The following TLR3 variants were observed in gnomAD, a reference collection of about 807,000 sequenced individuals.
TLR3 encodes toll like receptor 3, also known as toll-like receptor 3.
TLR3 carries 43 observed loss-of-function variants against 66.4 expected under a neutral mutation model. That is an observed-to-expected ratio of 0.65 (90% CI 0.51 to 0.83). The LOEUF is 0.83. Ranked by LOEUF, TLR3 falls within the 40% of genes least tolerant of loss-of-function variation. The pLI is 0.00. For missense variants in TLR3, 982 were observed against 1,044.6 expected (o/e 0.94, Z 0.83); for synonymous variants, 397 against 397.2 (o/e 1.00, Z 0.01).
intron 4 of TLR3, 99 bp downstream of exon 4, chr4:186,084,271 A>G: frequency 8.0e-7 from 1 of 1,246,926 alleles, no homozygotes; most frequent in Non-Finnish European, 1.1e-6. Flanking sequence ...CCCAGGCTGG[A>G]GTGCAGTGGT....
Position 186,083,912 on chromosome 4 carries a change from T to C in TLR3, c.2226T>C (p.Leu742=). 6.2e-7 allele frequency: 1 copy of C among 1,614,228 alleles called. No homozygotes were observed. The highest frequency in any genetic ancestry group is 1.7e-5 in the Admixed American group (1 of 60,026). Residue 742 remains leucine, a synonymous_variant, in exon 4 of 5, where the codon CTT becomes CTC. Coordinates refer to ENST00000296795, the MANE Select transcript of TLR3 (RefSeq NM_003265.3). The surrounding 1 kb of genome is among the most constrained non-coding windows in gnomAD (Gnocchi z 4.0). ...GGAATGTTTCAGTACATCGAGTTCT[T>C]GGTTTCAAAGAAATAGACAGACAGA... The part of the protein sequence containing the change: ...FYWNVSVHRV[L]GFKEIDRQTE...
intron 2 of TLR3, among the ~76,000 whole-genome samples, chr4:186,078,583 A>G (rs1445210549): frequency 6.6e-6 from 1 of 152,180 alleles, no homozygotes; most frequent in African/African-American, 2.4e-5. Context: ...TTATTTTGGT[A>G]AGAGAAATAA....
intron 2 of TLR3, among the ~76,000 whole-genome samples, chr4:186,078,198 G>A (rs2150066635): frequency 6.6e-6 from 1 of 152,178 alleles, no homozygotes; most frequent in Non-Finnish European, 1.5e-5. Context: ...GCCTTAACTG[G>A]TATCGCTTTC....
At chr4:186,075,654 T>C (rs1406720934) in intron 1 of TLR3, among the ~76,000 whole-genome samples, 2 of 151,826 alleles carry the variant, frequency 1.3e-5, no homozygotes, top group Non-Finnish European at 2.9e-5. Context: ...TAAATACAAA[T>C]AATTTTTAAA....
chr4:186,076,474 T>C lies in TLR3; in HGVS notation c.-7-139T>C, dbSNP rs1270255347. On this transcript the variant is annotated intron_variant, in intron 1 of 4. Coordinates refer to ENST00000296795, the MANE Select transcript of TLR3 (RefSeq NM_003265.3). ...GATGTATGACTTGTATAATATGTAC[T>C]TGTATGGCATAAAACTATGAGTAAT... 5 of 844,554 alleles carry C rather than the reference T, an allele frequency of 5.9e-6. No homozygotes were observed. The African/African-American group carries it at 6.7e-5, about 11-fold the overall frequency. 52.3% of individuals were successfully genotyped at this position (844,554 alleles called of 1,614,324 possible).
intron 3 of TLR3, among the ~76,000 whole-genome samples, chr4:186,079,492 C>T (rs1561370986): frequency 6.6e-6 from 1 of 152,168 alleles, no homozygotes; most frequent in Non-Finnish European, 1.5e-5. Flanking sequence ...TCCCAGCTTT[C>T]AAATGGGCGT....
rs770094473 is a variant in TLR3 at position 186,083,654 on chromosome 4, G to A, written c.1968G>A (p.Trp656Ter). 1 of 1,596,678 alleles carries A rather than the reference G, an allele frequency of 6.3e-7. No individual in the cohort carries two copies. Among genetic ancestry groups the A allele is most frequent in the Admixed American group, 1.7e-5 (1 of 58,008 alleles). ...ATTGCACGTGTGAAAGTATTGCCTG[G>A]TTTGTTAATTGGATTAACGAGACCC... is the stretch of plus-strand genomic sequence containing the variant. The part of the protein sequence containing the change: ...PFDCTCESIA[W>*]FVNWINETHT... Residue 656 changes from tryptophan to a stop codon, truncating the protein, a stop_gained, in exon 4 of 5, where the codon TGG (tryptophan) becomes TGA (stop). Coordinates refer to ENST00000296795, the MANE Select transcript of TLR3 (RefSeq NM_003265.3). LOFTEE classifies it high-confidence loss of function. This position sits in a 1 kb window ranked among gnomAD's most constrained non-coding sequence, Gnocchi z 4.0.
intron 2 of TLR3, among the ~76,000 whole-genome samples, chr4:186,077,598 T>A (rs2099302663): frequency 6.6e-6 from 1 of 152,188 alleles, no homozygotes; most frequent in South Asian, 2.1e-4. Flanking sequence ...TTTTAGTTTT[T>A]TTTCTTTTCT....
At position 186,087,388 on chromosome 4, in the gene TLR3, C is replaced by G. The variant is rs1417716679; in HGVS notation, c.*2515C>G. 6.6e-6 allele frequency: 1 copy of G among 152,198 alleles called. No individual in the cohort carries two copies. 9.4% of individuals were successfully genotyped at this position (152,198 alleles called of 1,614,324 possible). ...CTGCAGGCTGTCCTGTGTAATTGTT[C>G]TCCGGAGGAACCCTTGTCCCTGGGG... On this transcript the variant is annotated 3_prime_UTR_variant, in exon 5 of 5. Coordinates refer to ENST00000296795, the MANE Select transcript of TLR3 (RefSeq NM_003265.3).
At position 186,077,006 on chromosome 4, in the gene TLR3, T is replaced by C. The variant is rs201726068; in HGVS notation, c.387T>C (p.His129=). The part of the protein sequence containing the change: ...FAFCTNLTEL[H]LMSNSIQKIK... ...TCTGCACGAATTTGACTGAACTCCA[T>C]CTCATGTCCAACTCAATCCAGAAAA... The change falls in exon 2 of 5, where the codon CAT becomes CAC. Residue 129 remains histidine, a synonymous_variant. Coordinates refer to ENST00000296795, the MANE Select transcript of TLR3 (RefSeq NM_003265.3). The C allele has an allele frequency of 4.3e-5, 70 of 1,614,000 alleles. No individual in the cohort carries two copies. Among genetic ancestry groups the C allele is most frequent in the Non-Finnish European group, 5.4e-5 (64 of 1,180,046 alleles).
At chr4:186,077,444 T>G (rs2099302633) in intron 2 of TLR3, among the ~76,000 whole-genome samples, 1 of 152,186 alleles carries the variant, frequency 6.6e-6, no homozygotes, top group African/African-American at 2.4e-5. Context: ...ATTAACAAAT[T>G]GATACAATGA....
rs754548817 is a variant in TLR3, at chr4:186,076,914, C to G, written c.295C>G (p.Pro99Ala). ...GGAGCCAGAATTGTGCCAGAAACTT[C>G]CCATGTTAAAAGTTTTGAACCTCCA... ...KLEPELCQKL[P>A]MLKVLNLQHN... Residue 99 changes from proline (P) to alanine (A), a missense_variant, in exon 2 of 5, where the codon CCC (proline) becomes GCC (alanine). By Grantham distance (27) the Pro-to-Ala change is conservative (BLOSUM62 -1). Around this residue, in one of 3 missense-constraint regions of TLR3, gnomAD observed 313 missense variants for 319.0 expected, o/e 0.98. Coordinates refer to ENST00000296795, the MANE Select transcript of TLR3 (RefSeq NM_003265.3). 1.2e-5 allele frequency: 19 copies of G among 1,614,040 alleles called. No homozygotes were observed. In the Admixed American group the frequency reaches 3.2e-4, roughly 27 times the overall value.
chr4:186,076,479 T>A, intron 1 of TLR3, 134 bp from the exon 2 acceptor site: 3 of 863,210 alleles, frequency 3.5e-6, no homozygotes, highest in Non-Finnish European at 5.7e-6. Flanking sequence ...TGTACTTGTA[T>A]GGCATAAAAC....
rs559783546 is a variant in TLR3 at position 186,076,957 on chromosome 4, A to C, written c.338A>C (p.Gln113Pro). 1.7e-5 allele frequency: 27 copies of C among 1,614,022 alleles called. No individual in the cohort carries two copies. In the East Asian group the frequency reaches 5.8e-4, roughly 35 times the overall value. ...AACCTCCAGCACAATGAGCTATCTC[A>C]ACTTTCTGATAAAACCTTTGCCTTC... ...VLNLQHNELS[Q>P]LSDKTFAFCT... is the part of the protein sequence containing the mutation. Residue 113 changes from glutamine to proline, a missense_variant, in exon 2 of 5, where the codon CAA (glutamine) becomes CCA (proline). Gln to Pro is a moderately conservative substitution (Grantham distance 76). Coordinates refer to ENST00000296795, the MANE Select transcript of TLR3 (RefSeq NM_003265.3).
intron 2 of TLR3, among the ~76,000 whole-genome samples, chr4:186,078,259 G>A (rs2099302781): frequency 6.6e-6 from 1 of 152,060 alleles, no homozygotes; most frequent in Admixed American, 6.6e-5. Context: ...ATAGCAAAGG[G>A]TGATAAAAAC....
Position 186,083,514 on chromosome 4 carries a change from G to A in TLR3, c.1828G>A (p.Val610Met). Residue 610 changes from valine (V) to methionine (M), a missense_variant, in exon 4 of 5, where the codon GTG becomes ATG. By Grantham distance (21) the Val-to-Met change is conservative (BLOSUM62 1). Around this residue, in one of 3 missense-constraint regions of TLR3, gnomAD observed 666 missense variants for 709.0 expected, o/e 0.94. Coordinates refer to ENST00000296795, the MANE Select transcript of TLR3 (RefSeq NM_003265.3). The surrounding 1 kb of genome is among the most constrained non-coding windows in gnomAD (Gnocchi z 4.0). ...TCCAGCATCTGTCTTTAATAATCAG[G>A]TGTCTCTAAAGTCATTGAACCTTCA... ...TLPASVFNNQ[V>M]SLKSLNLQKN... is the part of the protein sequence containing the mutation. 1 of 1,608,260 alleles carries A rather than the reference G, an allele frequency of 6.2e-7. No homozygotes were observed. Among genetic ancestry groups the A allele is most frequent in the African/African-American group, 1.3e-5 (1 of 74,716 alleles).
chr4:186,082,437 C>A lies in TLR3; in HGVS notation c.751C>A (p.Arg251=). 1.2e-6 allele frequency: 2 copies of A among 1,614,062 alleles called. No individual in the cohort carries two copies. Among genetic ancestry groups the A allele is most frequent in the Non-Finnish European group, 1.7e-6 (2 of 1,180,012 alleles). ...TTTGGAATTAGCAAACACAAGCATT[C>A]GGAATCTGTCTCTGAGTAACAGCCA... ...LCLELANTSI[R]NLSLSNSQLS... is the part of the protein sequence containing the mutation. Residue 251 remains arginine, a synonymous_variant, in exon 4 of 5, where the codon CGG becomes AGG. Transcript: ENST00000296795.
chr4:186,081,183 C>T (rs1315710778), intron 3 of TLR3, among the ~76,000 whole-genome samples: 1 of 151,530 alleles, frequency 6.6e-6, no homozygotes, highest in East Asian at 1.9e-4. Context: ...GCAAGAGAAT[C>T]GCTTGAACCC....
At chr4:186,079,173 G>A (rs2099302978) in intron 3 of TLR3, 142 bp downstream of exon 3, 1 of 814,700 alleles carries the variant, frequency 1.2e-6, no homozygotes, top group South Asian at 1.7e-5. Flanking sequence ...GGGGGCATTG[G>A]TGTCATCCTC....
Sources: gnomAD v4.1 joint callset for allele counts (sites outside exome capture counted in the v4.1 genomes callset) on GRCh38, gnomAD v4.1.1 for gene constraint, gnomAD v4.1.1 regional missense constraint, Gnocchi (gnomAD v3.1) non-coding constraint, MANE v1.5 for transcripts, NCBI Gene and HGNC (gene_info 2026-07-23, HGNC 2026-07-21) for gene names.